Variants in NRXN1 observed in about 807,000 individuals in gnomAD.
The protein encoded by NRXN1 is neurexin 1.
NRXN1 carries 39 observed loss-of-function variants against 150.9 expected under a neutral mutation model. The observed-to-expected ratio is 0.26, with a 90% CI of 0.20 to 0.34. The LOEUF (loss-of-function observed/expected upper bound fraction) is 0.34. Ranked by LOEUF, NRXN1 falls within the 10% of genes least tolerant of loss-of-function variation. NRXN1 has a pLI of 1.00. For missense variants in NRXN1, 1,815 were observed against 1,949.9 expected, an observed-to-expected ratio of 0.93 and a Z score of 1.30; for synonymous variants, 924 against 757.0, an observed-to-expected ratio of 1.22 and a Z score of -3.62.
intron 5 of NRXN1, among the ~76,000 whole-genome samples, chr2:50,667,457 C>A (rs1417383128): frequency 6.6e-6 from 1 of 151,876 alleles, no homozygotes; most frequent in Admixed American, 6.6e-5. Flanking sequence ...ATATCAATTT[C>A]TGTGAAATAA....
chr2:50,826,234 G>A (rs1333952721), intron 5 of NRXN1, among the ~76,000 whole-genome samples: 3 of 152,142 alleles, frequency 2.0e-5, no homozygotes, highest in Non-Finnish European at 4.4e-5. Context: ...TCTGAGCTGA[G>A]AGTGAAATGA....
At chr2:50,154,904 T>C (rs2058921431) in intron 18 of NRXN1, among the ~76,000 whole-genome samples, 1 of 151,572 alleles carries the variant, frequency 6.6e-6, no homozygotes, top group Admixed American at 6.6e-5. Context: ...CATTTTAATG[T>C]ATTAAAATTA....
At chr2:50,066,465 C>T (rs898526887) in intron 19 of NRXN1, among the ~76,000 whole-genome samples, 5 of 152,046 alleles carry the variant, frequency 3.3e-5, no homozygotes, top group East Asian at 1.9e-4. Flanking sequence ...GGAACACAAA[C>T]GATTGCACCT....
At chr2:50,145,919 T>C (rs1389695428) in intron 18 of NRXN1, among the ~76,000 whole-genome samples, 1 of 151,536 alleles carries the variant, frequency 6.6e-6, no homozygotes, top group Non-Finnish European at 1.5e-5. Context: ...CTACTTTAGG[T>C]GTTGATAACT....
In NRXN1 at chr2:51,020,676, G is replaced by T. The variant is rs111670390; in HGVS notation, c.772+6826C>A. On this transcript the variant is annotated intron_variant, in intron 2 of 22. Transcript: ENST00000401669. ...TTAGTTCACAATATATTAGTAGTCT[G>T]ATTAGGTGGTTTCCCAATTCGCAAC... 3.3e-5 allele frequency among the ~76,000 whole-genome samples: 5 copies of T among 152,076 alleles called. 1 individual carries two copies. Among genetic ancestry groups the T allele is most frequent in the African/African-American group, 1.2e-4 (5 of 41,542 alleles).
rs780119308 is a variant in NRXN1, at chr2:49,953,739, A to G, written c.4129-9948T>C. ...GGATGTTAAGGGAGTCAAATTTCAT[A>G]TGTGTGAAGACATTTTGGAAAGTGT... On this transcript the variant is annotated intron_variant, in intron 21 of 22. Transcript: ENST00000401669. Among the ~76,000 whole-genome samples, 24 of 152,162 alleles carry G rather than the reference A, an allele frequency of 1.6e-4. No homozygotes were observed. The East Asian group carries it at 1.7e-3, about 11-fold the overall frequency.
intron 17 of NRXN1, among the ~76,000 whole-genome samples, chr2:50,442,260 A>T (rs1416828592): frequency 3.3e-5 from 5 of 152,194 alleles, no homozygotes; most frequent in Non-Finnish European, 1.5e-5. Flanking sequence ...TGCCTAGCAC[A>T]TAGTGGTCCT....
chr2:50,908,247 A>C (rs1382072647), intron 5 of NRXN1, among the ~76,000 whole-genome samples: 2 of 152,002 alleles, frequency 1.3e-5, no homozygotes, highest in African/African-American at 4.8e-5. Context: ...GAGTACAGAA[A>C]GGCTGACTTA....
intron 2 of NRXN1, among the ~76,000 whole-genome samples, chr2:50,966,502 GGAAAA>G (rs779301282): frequency 2.2e-4 from 33 of 151,770 alleles, no homozygotes; most frequent in Admixed American, 1.2e-3. Flanking sequence ...TTACATCTCT[GGAAAA>G]GAGCACAATC....
intron 2 of NRXN1, among the ~76,000 whole-genome samples, chr2:50,977,045 C>T (rs1032699972): frequency 2.0e-5 from 3 of 151,866 alleles, no homozygotes; most frequent in Admixed American, 6.6e-5. Flanking sequence ...AACCAAACAG[C>T]ATAACAGAAT....
intron 19 of NRXN1, among the ~76,000 whole-genome samples, chr2:50,088,032 G>A (rs904919183): frequency 5.3e-5 from 8 of 152,036 alleles, no homozygotes; most frequent in African/African-American, 1.7e-4. Flanking sequence ...GCTGGTTCCC[G>A]CTTCTCTGAG....
intron 2 of NRXN1, among the ~76,000 whole-genome samples, chr2:50,955,993 T>C (rs1692219109): frequency 1.3e-5 from 2 of 152,138 alleles, no homozygotes; most frequent in Admixed American, 1.3e-4. Flanking sequence ...ATTGGAAAAC[T>C]AGTGCCTGGC....
At chr2:50,353,348 G>A (rs1489029716) in intron 17 of NRXN1, among the ~76,000 whole-genome samples, 1 of 152,068 alleles carries the variant, frequency 6.6e-6, no homozygotes, top group Non-Finnish European at 1.5e-5. Context: ...ATCACTGTCA[G>A]CTTATATAGT....
chr2:50,432,811 C>A (rs879914767), intron 17 of NRXN1, among the ~76,000 whole-genome samples: 1 of 152,146 alleles, frequency 6.6e-6, no homozygotes, highest in Non-Finnish European at 1.5e-5. Context: ...TGATAGCATC[C>A]AATACAATTC....
At chr2:50,274,703 C>T (rs1206690086) in intron 17 of NRXN1, among the ~76,000 whole-genome samples, 1 of 151,924 alleles carries the variant, frequency 6.6e-6, no homozygotes, top group Admixed American at 6.6e-5. Flanking sequence ...TTTTTAATCT[C>T]TAAAATGAGC....
intron 17 of NRXN1, among the ~76,000 whole-genome samples, chr2:50,442,275 G>A (rs1459579417): frequency 6.6e-6 from 1 of 152,064 alleles, no homozygotes; most frequent in African/African-American, 2.4e-5. Context: ...GGTCCTACAT[G>A]TTGCCTATCA....
At chr2:50,035,991 G>C (rs762915516) in intron 21 of NRXN1, among the ~76,000 whole-genome samples, 7 of 152,116 alleles carry the variant, frequency 4.6e-5, no homozygotes, top group Non-Finnish European at 8.8e-5. Context: ...GAAATCACAT[G>C]TACCCACAAG....
At chr2:50,972,235 A>G (rs770148343) in intron 2 of NRXN1, among the ~76,000 whole-genome samples, 1 of 152,154 alleles carries the variant, frequency 6.6e-6, no homozygotes, top group South Asian at 2.1e-4. Context: ...AAAACTCTCA[A>G]TACTCATGTT....
chr2:50,419,173 T>A (rs1481039516), intron 17 of NRXN1, among the ~76,000 whole-genome samples: 4 of 152,070 alleles, frequency 2.6e-5, no homozygotes, highest in African/African-American at 9.7e-5. Flanking sequence ...GATACATAGG[T>A]GTAAAATCAT....
Sources: allele counts gnomAD v4.1 joint callset (sites outside exome capture counted in the v4.1 genomes callset), GRCh38; gene constraint gnomAD v4.1.1; transcripts MANE v1.5; gene names NCBI Gene and HGNC (gene_info 2026-07-23, HGNC 2026-07-21).